Variants in STK32B observed in about 807,000 individuals in gnomAD.
STK32B encodes the protein serine/threonine-protein kinase 32B.
Under a neutral mutation model 52.6 loss-of-function variants are expected in STK32B, and 43 were observed. The observed-to-expected ratio is 0.82, with a 90% CI of 0.64 to 1.05. STK32B has a LOEUF of 1.05. STK32B is among the 50% of genes least tolerant of loss of function. The pLI, the probability that STK32B is intolerant of heterozygous loss-of-function variation, is 0.00. For missense variants in STK32B, 621 were observed against 534.6 expected (o/e 1.16, Z -1.59); for synonymous variants, 238 against 204.3 (o/e 1.17, Z -1.41).
intron 3 of STK32B, among the ~76,000 whole-genome samples, chr4:5,207,725 T>A (rs1336610633): frequency 6.6e-6 from 1 of 151,632 alleles, no homozygotes; most frequent in Admixed American, 6.6e-5. Context: ...CTTAAGAAAG[T>A]GTCTGAGACT....
At chr4:5,022,545 G>C in the STK32B span, among the ~76,000 whole-genome samples, 1 of 152,130 alleles carries the variant, frequency 6.6e-6, no homozygotes, top group Non-Finnish European at 1.5e-5. Context: ...TGGCTGCTCC[G>C]AATATTAAAA....
intron 6 of STK32B, among the ~76,000 whole-genome samples, chr4:5,422,912 G>A (rs1712764092): frequency 6.6e-6 from 1 of 152,212 alleles, no homozygotes; most frequent in African/African-American, 2.4e-5. Context: ...ACGATAGAGA[G>A]AGGGCATTTA....
At chr4:5,267,301 T>C (rs1727116313) in intron 3 of STK32B, among the ~76,000 whole-genome samples, 1 of 152,206 alleles carries the variant, frequency 6.6e-6, no homozygotes, top group Non-Finnish European at 1.5e-5. Flanking sequence ...CAGTTCAGTC[T>C]TTATATTTTT....
intron 11 of STK32B, among the ~76,000 whole-genome samples, chr4:5,486,007 G>C (rs868436098): frequency 6.6e-6 from 1 of 152,200 alleles, no homozygotes; most frequent in Non-Finnish European, 1.5e-5. Flanking sequence ...ACTGCGGGGT[G>C]CCTCCCAGTT....
intron 5 of STK32B, among the ~76,000 whole-genome samples, chr4:5,404,918 G>A (rs1737557162): frequency 7.0e-6 from 1 of 142,696 alleles, no homozygotes; most frequent in Admixed American, 7.4e-5. Context: ...CGAGACTGGA[G>A]TGCGGCGGTG....
chr4:5,068,356 A>G (rs1467830477), intron 1 of STK32B, among the ~76,000 whole-genome samples: 2 of 152,126 alleles, frequency 1.3e-5, no homozygotes, highest in African/African-American at 2.4e-5. Flanking sequence ...TCCCACTTAT[A>G]AGTGAGAACA....
At chr4:5,234,996 G>A (rs1403091665) in intron 3 of STK32B, among the ~76,000 whole-genome samples, 1 of 152,220 alleles carries the variant, frequency 6.6e-6, no homozygotes, top group Non-Finnish European at 1.5e-5. Context: ...CAAGCACAGT[G>A]CCAGGAATTT....
rs1229012192 is a variant in STK32B at position 5,400,644 on chromosome 4, G to C, written c.472+2400G>C. 1.3e-5 allele frequency among the ~76,000 whole-genome samples: 2 copies of C among 152,154 alleles called. No homozygotes were observed. Among genetic ancestry groups the C allele is most frequent in the Non-Finnish European group, 1.5e-5 (1 of 68,028 alleles). ...GCAGGTGGTACAGAAAAGAAATTTA[G>C]GAGCAGGGAATTCCGCTCAGAAAAA... is the stretch of plus-strand genomic sequence containing the variant. On this transcript the variant is annotated intron_variant, in intron 5 of 11. Coordinates refer to ENST00000282908, the MANE Select transcript of STK32B (RefSeq NM_018401.3). The surrounding 1 kb of genome is among the most constrained non-coding windows in gnomAD (Gnocchi z 6.1).
chr4:5,445,205 C>T (rs749011107), intron 6 of STK32B, among the ~76,000 whole-genome samples: 9 of 152,122 alleles, frequency 5.9e-5, no homozygotes, highest in Non-Finnish European at 1.3e-4. Context: ...TGGAGAATAT[C>T]GCCAGGGGGC....
chr4:5,367,795 C>A (rs1006045281), intron 4 of STK32B, among the ~76,000 whole-genome samples: 9 of 152,144 alleles, frequency 5.9e-5, no homozygotes, highest in Non-Finnish European at 1.0e-4. Flanking sequence ...ACAGCAGAGC[C>A]CATCTTGGGT....
At chr4:5,316,269 A>G (rs1416577535) in intron 3 of STK32B, among the ~76,000 whole-genome samples, 1 of 71,834 alleles carries the variant, frequency 1.4e-5, no homozygotes, top group Non-Finnish European at 2.2e-5. Context: ...ATTATATAGT[A>G]TATATAATAT....
At chr4:5,495,167 G>C (rs1011938918) in intron 11 of STK32B, among the ~76,000 whole-genome samples, 1 of 152,208 alleles carries the variant, frequency 6.6e-6, no homozygotes, top group Non-Finnish European at 1.5e-5. Flanking sequence ...ATCCTGCAGA[G>C]TGTTTTCCAA....
rs1737689781 is a variant in STK32B, at chr4:5,406,565, G to A, written c.472+8321G>A. 2.6e-5 allele frequency among the ~76,000 whole-genome samples: 4 copies of A among 152,164 alleles called. No homozygotes were observed. The South Asian group carries it at 8.3e-4, about 32-fold the overall frequency. On this transcript the variant is annotated intron_variant, in intron 5 of 11. Transcript: ENST00000282908. ...ATTTCCATACATTCTCTGAAATCTA[G>A]GTGGAGGCTCCCAAGCCTCAGCTCT...
intron 1 of STK32B, among the ~76,000 whole-genome samples, chr4:5,092,463 C>T (rs1211927729): frequency 4.7e-5 from 7 of 149,248 alleles, no homozygotes; most frequent in East Asian, 4.0e-4. Context: ...ACTCGGGAGG[C>T]GGAGCTTGCA....
rs902658388 is a variant in STK32B at position 5,286,651 on chromosome 4, T to C, written c.261-44569T>C. On this transcript the variant is annotated intron_variant, in intron 3 of 11. Transcript: ENST00000282908. ...GCACTAGTTTTCCACTGTATAATTA[T>C]AGCACAATTTATTTATGATTCTTCT... Among the ~76,000 whole-genome samples, 8 of 152,218 alleles carry C rather than the reference T, an allele frequency of 5.3e-5. No homozygotes were observed. In the South Asian group the frequency reaches 6.2e-4, roughly 12 times the overall value.
chr4:5,119,935 C>T (rs1192575430), intron 1 of STK32B, among the ~76,000 whole-genome samples: 2 of 152,216 alleles, frequency 1.3e-5, no homozygotes, highest in East Asian at 1.9e-4. Context: ...GACTCAAGTA[C>T]ATTAGTCCCC....
At chr4:5,159,284 A>G (rs1380877403) in intron 2 of STK32B, among the ~76,000 whole-genome samples, 2 of 151,474 alleles carry the variant, frequency 1.3e-5, no homozygotes, top group South Asian at 2.1e-4. Context: ...GTGTGCTCAC[A>G]CTCTTTAAGG....
upstream of STK32B, among the ~76,000 whole-genome samples, chr4:5,048,133 T>C (rs547905620): frequency 5.3e-5 from 8 of 151,846 alleles, no homozygotes; most frequent in South Asian, 2.1e-4. Flanking sequence ...TTTTTTTTTT[T>C]ACTTGTTTGT....
chr4:5,191,864 T>G (rs778926968), intron 3 of STK32B, among the ~76,000 whole-genome samples: 2 of 152,148 alleles, frequency 1.3e-5, no homozygotes, highest in Non-Finnish European at 2.9e-5. Context: ...AATGTCCTAT[T>G]CCAAATCCAT....
Sources: allele counts gnomAD v4.1 joint callset (sites outside exome capture counted in the v4.1 genomes callset), GRCh38; gene constraint gnomAD v4.1.1; non-coding constraint Gnocchi (gnomAD v3.1); transcripts MANE v1.5; gene names NCBI Gene and HGNC (gene_info 2026-07-23, HGNC 2026-07-21).